Variants in SHOC1 observed in about 807,000 individuals in gnomAD.
The protein encoded by SHOC1 is protein shortage in chiasmata 1 ortholog.
SHOC1 carries 136 observed loss-of-function variants against 179.2 expected under a neutral mutation model. The ratio of observed to expected loss-of-function variants is 0.76; its 90% CI spans 0.66 to 0.87. The LOEUF (loss-of-function observed/expected upper bound fraction) is 0.87, where lower values mean the gene tolerates loss of function less well. SHOC1 is among the 40% of genes least tolerant of loss of function. The pLI, the probability that SHOC1 is intolerant of heterozygous loss-of-function variation, is 0.00. For missense variants in SHOC1, 1,538 were observed against 1,700.8 expected (o/e 0.90, Z 1.68); for synonymous variants, 489 against 586.6 (o/e 0.83, Z 2.41).
At chr9:111,695,612 T>A (rs1831653489) in intron 24 of SHOC1, among the ~76,000 whole-genome samples, 2 of 152,196 alleles carry the variant, frequency 1.3e-5, no homozygotes. Context: ...ATAAAAACTG[T>A]GCTTGGAGTT....
chr9:111,771,204 AC>A (rs1166589938), intron 5 of SHOC1, among the ~76,000 whole-genome samples: 1 of 152,134 alleles, frequency 6.6e-6, no homozygotes, highest in Non-Finnish European at 1.5e-5. Context: ...CAGGAGGGTT[AC>A]AAAAAACATT....
chr9:111,721,248 G>GTGTGAA (rs1306583744), intron 15 of SHOC1, among the ~76,000 whole-genome samples: 1 of 152,154 alleles, frequency 6.6e-6, no homozygotes, highest in Non-Finnish European at 1.5e-5. Context: ...TTCCTGCCCT[G>GTGTGAA]TGTGAATGCA....
chr9:111,697,929 A>C (rs4515621), intron 24 of SHOC1, among the ~76,000 whole-genome samples: 30,727 of 152,108 alleles, frequency 0.2, 3,280 homozygotes, highest in Non-Finnish European at 0.23. Context: ...ATTTGCATTT[A>C]TCTGATGGCC....
intron 10 of SHOC1, among the ~76,000 whole-genome samples, chr9:111,745,871 G>A (rs903521518): frequency 6.6e-6 from 1 of 152,090 alleles, no homozygotes; most frequent in Non-Finnish European, 1.5e-5. Context: ...CCAATGCCAG[G>A]ATCTTCAAAA....
At chr9:111,756,591 C>T in intron 7 of SHOC1, 113 bp from the exon 8 acceptor site, 2 of 847,940 alleles carry the variant, frequency 2.4e-6, no homozygotes, top group Non-Finnish European at 1.8e-6. Context: ...AAACTAAATC[C>T]ACATTCAAAA....
chr9:111,738,876 G>A (rs1589427609), intron 11 of SHOC1, among the ~76,000 whole-genome samples: 1 of 151,996 alleles, frequency 6.6e-6, no homozygotes, highest in East Asian at 1.9e-4. Context: ...TATTAAATTA[G>A]AAATTCTAAC....
In SHOC1 at chr9:111,692,370, T is replaced by C; in HGVS notation, c.3607A>G (p.Ile1203Val). Residue 1203 changes from isoleucine to valine, a missense_variant, in exon 27 of 28, where the codon ATT (isoleucine) becomes GTT (valine). Physicochemically the swap from Ile to Val is conservative, Grantham distance 29 (BLOSUM62 3). Transcript: ENST00000682961. Reference sequence around the variant, plus strand: ...TGATAATATTCATTATGTTCTTGAATGACAGAGTCTAAATCAGAAGCTGAA... The same window carrying C: ...TGATAATATTCATTATGTTCTTGAACGACAGAGTCTAAATCAGAAGCTGAA... ...QSSASDLDSVIQEHNEYYQYL... is the reference protein window; with the variant it reads ...QSSASDLDSVVQEHNEYYQYL... The C allele has an allele frequency of 2.5e-6, 4 of 1,613,452 alleles. No homozygotes were observed. Among genetic ancestry groups the C allele is most frequent in the Non-Finnish European group, 3.4e-6 (4 of 1,179,586 alleles).
At chr9:111,765,702 A>G (rs546066513) in intron 5 of SHOC1, among the ~76,000 whole-genome samples, 212 of 152,296 alleles carry the variant, frequency 1.4e-3, no homozygotes, top group African/African-American at 4.8e-3. Flanking sequence ...AAATATGCCT[A>G]TTAAAATTTA....
At chr9:111,686,968 G>GA (rs1239385204) in intron 27 of SHOC1, 98 bp from the exon 28 acceptor site, 17 of 693,254 alleles carry the variant, frequency 2.5e-5, no homozygotes, top group African/African-American at 4.0e-5. Context: ...TTTTTGAGAT[G>GA]AAGTTTTGCC....
At chr9:111,713,465 A>G (rs1239422898) in intron 17 of SHOC1, among the ~76,000 whole-genome samples, 5 of 152,214 alleles carry the variant, frequency 3.3e-5, no homozygotes, top group Non-Finnish European at 5.9e-5. Context: ...TGTTAAATTC[A>G]ACTCACATGT....
chr9:111,765,008 G>T (rs953759111), intron 5 of SHOC1, among the ~76,000 whole-genome samples: 35 of 152,006 alleles, frequency 2.3e-4, no homozygotes, highest in African/African-American at 8.5e-4. Context: ...GGACATGGTG[G>T]CGCATGCCTA....
chr9:111,738,454 C>G lies in SHOC1; in HGVS notation c.1243G>C (p.Glu415Gln). 2 of 1,607,690 alleles carry G rather than the reference C, an allele frequency of 1.2e-6. No homozygotes were observed. The highest frequency in any genetic ancestry group is 4.5e-5 in the East Asian group (2 of 44,562). ...TDLKKIFSVK[E>Q]ESLVINLEKA... ...TCCAGATTAATCACAAGGCTTTCTT[C>G]TTTAACAGAAAATATCTTTTTCAAA... Residue 415 changes from glutamate to glutamine, a missense_variant, in exon 12 of 28, where the codon GAA (glutamate) becomes CAA (glutamine). Transcript: ENST00000682961.
intron 5 of SHOC1, among the ~76,000 whole-genome samples, chr9:111,775,316 A>G (rs1188984449): frequency 6.6e-6 from 1 of 152,038 alleles, no homozygotes; most frequent in Non-Finnish European, 1.5e-5. Flanking sequence ...ATTATTTTTG[A>G]GAGTATGTTT....
rs569896203 is a variant in SHOC1 at position 111,742,493 on chromosome 9, G to A, written c.1080-923C>T. ...TATGTGTGTTTAGGGGTACTCGGGGGGAGAAGGGAGAAAATAAGCATGTCA... is the reference window on the plus strand; with the variant it reads ...TATGTGTGTTTAGGGGTACTCGGGGAGAGAAGGGAGAAAATAAGCATGTCA... On this transcript the variant is annotated intron_variant, in intron 10 of 27. Transcript: ENST00000682961. Among the ~76,000 whole-genome samples the A allele has an allele frequency of 1.8e-3, 273 of 152,120 alleles. 1 individual carries two copies. The highest frequency in any genetic ancestry group is 6.0e-3 in the African/African-American group (247 of 41,504).
At chr9:111,757,106 G>GT (rs34804567) in intron 7 of SHOC1, among the ~76,000 whole-genome samples, 5 of 152,036 alleles carry the variant, frequency 3.3e-5, no homozygotes, top group Admixed American at 3.3e-4. Context: ...CTAAAAAAAT[G>GT]TTTTTTGTGT....
chr9:111,780,348 A>T (rs10981070), intron 4 of SHOC1, among the ~76,000 whole-genome samples: 64,663 of 152,022 alleles, frequency 0.43, 14,841 homozygotes, highest in East Asian at 0.77. Flanking sequence ...TTGCACCAAA[A>T]TCTCTACTTT....
At chr9:111,710,526 C>A (rs1832495505) in intron 18 of SHOC1, among the ~76,000 whole-genome samples, 1 of 151,988 alleles carries the variant, frequency 6.6e-6, no homozygotes, top group Admixed American at 6.6e-5. Context: ...TATCGAGTGC[C>A]TTCTATGTTG....
chr9:111,702,645 T>A (rs560110990), intron 22 of SHOC1, among the ~76,000 whole-genome samples: 2 of 152,312 alleles, frequency 1.3e-5, no homozygotes, highest in African/African-American at 4.8e-5. Context: ...TGAGATGATG[T>A]GCACTGCATG....
intron 24 of SHOC1, among the ~76,000 whole-genome samples, chr9:111,696,173 T>C (rs1162226896): frequency 6.6e-6 from 1 of 152,178 alleles, no homozygotes; most frequent in African/African-American, 2.4e-5. Flanking sequence ...TACAGAACTT[T>C]TAAAAAATTG....
Sources: allele counts gnomAD v4.1 joint callset (sites outside exome capture counted in the v4.1 genomes callset), GRCh38; gene constraint gnomAD v4.1.1; transcripts MANE v1.5; gene names NCBI Gene and HGNC (gene_info 2026-07-23, HGNC 2026-07-21).